TP53I11: variants seen among roughly 807,000 people sequenced by gnomAD.
TP53I11 encodes tumor protein p53 inducible protein 11, also known as tumor protein p53-inducible protein 11.
TP53I11 carries 9 observed loss-of-function variants against 23.3 expected under a neutral mutation model. That is an observed-to-expected ratio of 0.39 (90% CI 0.23 to 0.67). TP53I11 has a LOEUF of 0.67. TP53I11 is among the 30% of genes least tolerant of loss of function. TP53I11 has a pLI of 0.48. For synonymous variants in TP53I11, 100 were observed against 106.1 expected (o/e 0.94, Z 0.35); for missense variants, 170 against 255.2 (o/e 0.67, Z 2.27).
chr11:44,950,363 G>A (rs771150465), intron 1 of TP53I11, among the ~76,000 whole-genome samples: 3 of 152,198 alleles, frequency 2.0e-5, no homozygotes, highest in Non-Finnish European at 4.4e-5. Flanking sequence ...AGTCCAGGAG[G>A]AGGGCGACCG....
rs141808091 is a variant in TP53I11 at position 44,946,220 on chromosome 11, C to A, written c.-32+4457G>T. Among the ~76,000 whole-genome samples the A allele has an allele frequency of 2.2e-3, 334 of 152,346 alleles. No homozygotes were observed. The Middle Eastern group carries it at 0.027, about 12-fold the overall frequency. On this transcript the variant is annotated intron_variant, in intron 1 of 6. Coordinates refer to ENST00000525680, the MANE Select transcript of TP53I11 (RefSeq NM_006034.5). ...GGCTGCACTACTGACATCCTCACAG[C>A]GGCCTCTGGGGTGCAGGTTTCATCG...
intron 1 of TP53I11, among the ~76,000 whole-genome samples, chr11:44,942,762 G>C (rs1239013510): frequency 6.6e-6 from 1 of 152,136 alleles, no homozygotes; most frequent in Non-Finnish European, 1.5e-5. Flanking sequence ...CCTCCAGGGA[G>C]GAGGGCCCCA....
intron 1 of TP53I11, among the ~76,000 whole-genome samples, chr11:44,947,916 C>T (rs527562386): frequency 6.6e-6 from 1 of 152,216 alleles, no homozygotes; most frequent in Non-Finnish European, 1.5e-5. Flanking sequence ...TATTTTTAGA[C>T]TAGAAGACTC....
At position 44,938,518 on chromosome 11, in the gene TP53I11, C is replaced by T; in HGVS notation, c.-31-152G>A. 3.4e-6 allele frequency: 3 copies of T among 891,484 alleles called. No individual in the cohort carries two copies. The South Asian group carries it at 5.8e-5, about 17-fold the overall frequency. 55.2% of individuals were successfully genotyped at this position (891,484 alleles called of 1,614,324 possible). On this transcript the variant is annotated intron_variant, in intron 1 of 6. Transcript: ENST00000525680. ...CAGTAGGGGGAGTACAGCTGGCTTC[C>T]TTGTCAAATGGGTTGAGGAAATGCT... is the stretch of plus-strand genomic sequence containing the variant.
chr11:44,945,874 G>C (rs1030221529), intron 1 of TP53I11, among the ~76,000 whole-genome samples: 6 of 152,120 alleles, frequency 3.9e-5, no homozygotes, highest in Non-Finnish European at 8.8e-5. Flanking sequence ...CTCCAGCTGC[G>C]GTCCCTCCCA....
rs774677885 is a variant in TP53I11, at chr11:44,937,201, C to T, written c.237+103G>A. 2.1e-6 allele frequency: 3 copies of T among 1,429,566 alleles called. No individual in the cohort carries two copies. The East Asian group carries it at 7.4e-5, about 35-fold the overall frequency. 88.6% of individuals were successfully genotyped at this position (1,429,566 alleles called of 1,614,324 possible). A position where few individuals can be genotyped will look rare whatever the true frequency, so the allele number is the denominator to read the frequency against. ...AGCCCCAGAGCCTGACAGATGGGCC[C>T]CTGCACGAGGGGCCAGGATGGAGGA... On this transcript the variant is annotated intron_variant, in intron 4 of 6. Transcript: ENST00000525680.
intron 1 of TP53I11, among the ~76,000 whole-genome samples, chr11:44,947,875 GTAGT>G (rs1255218409): frequency 6.6e-6 from 1 of 152,172 alleles, no homozygotes; most frequent in Non-Finnish European, 1.5e-5. Context: ...CGCCTGTTTT[GTAGT>G]TAATGTTCAA....
At position 44,936,131 on chromosome 11, in the gene TP53I11, A is replaced by G. The variant is rs1590738550; in HGVS notation, c.335-469T>C. ...TAAGGAAGTCCCCTGGGGGAGGGGG[A>G]TGAACCATACTTTTTAGCAGAAGAC... is the stretch of plus-strand genomic sequence containing the variant. On this transcript the variant is annotated intron_variant, in intron 5 of 6. Transcript: ENST00000525680. This position sits in a 1 kb window ranked among gnomAD's most constrained non-coding sequence, Gnocchi z 4.4. 1 of 808,358 alleles carries G rather than the reference A, an allele frequency of 1.2e-6. No homozygotes were observed. The highest frequency in any genetic ancestry group is 1.5e-6 in the Non-Finnish European group (1 of 660,938). 50.1% of individuals were successfully genotyped at this position (808,358 alleles called of 1,614,324 possible).
At chr11:44,948,803 C>A (rs1472296768) in intron 1 of TP53I11, among the ~76,000 whole-genome samples, 1 of 152,236 alleles carries the variant, frequency 6.6e-6, no homozygotes, top group Non-Finnish European at 1.5e-5. Flanking sequence ...CCTCCTCCCC[C>A]ATACCCCAAG....
intron 1 of TP53I11, chr11:44,950,243 G>C (rs1234778403): frequency 6.6e-6 from 1 of 152,250 alleles, no homozygotes; most frequent in Admixed American, 6.5e-5. Context: ...ACCGAGCGCG[G>C]GGGACCGAGT....
rs1862905488 is a variant in TP53I11, at chr11:44,950,870, G to A, written c.-225C>T. ...TGCGCGCGGCGCCCTGCGCGGCCGG[G>A]GCTTACCGAGTCTGGCGGCCCGCGC... On this transcript the variant is annotated 5_prime_UTR_variant, in exon 1 of 7. Coordinates refer to ENST00000525680, the MANE Select transcript of TP53I11 (RefSeq NM_006034.5). 6.6e-6 allele frequency: 1 copy of A among 152,304 alleles called. No individual in the cohort carries two copies. Among genetic ancestry groups the A allele is most frequent in the Non-Finnish European group, 1.5e-5 (1 of 68,328 alleles). The allele number at this position is 152,304 out of a possible 1,614,324, so 9.4% of individuals were successfully genotyped here. A position where few individuals can be genotyped will look rare whatever the true frequency, so the allele number is the denominator to read the frequency against.
intron 5 of TP53I11, 23 bp from the exon 6 acceptor site, chr11:44,935,685 G>A (rs750114298): frequency 2.1e-6 from 3 of 1,406,618 alleles, no homozygotes; most frequent in South Asian, 1.2e-5. Flanking sequence ...ATGAAAAGGG[G>A]GCTGGGGGTG....
At chr11:44,947,141 A>G (rs771105922) in intron 1 of TP53I11, 14 of 455,798 alleles carry the variant, frequency 3.1e-5, no homozygotes, top group South Asian at 2.2e-4. Context: ...GGGCAAGGGG[A>G]TCAGGCCCTC....
At chr11:44,946,953 C>T (rs1862445534) in intron 1 of TP53I11, 5 of 451,254 alleles carry the variant, frequency 1.1e-5, no homozygotes, top group Admixed American at 4.7e-5. Context: ...TTTGAAGGGG[C>T]CCAATTTCCA....
In TP53I11 at chr11:44,936,367, G is replaced by A. The variant is rs1043573898; in HGVS notation, c.334+436C>T. Reference sequence around the variant, plus strand: ...AAAAATTGTAATTCCAAATCCTAACGTGTGCATCTCAGGTTAGAGAGGAAA... The same window carrying A: ...AAAAATTGTAATTCCAAATCCTAACATGTGCATCTCAGGTTAGAGAGGAAA... On this transcript the variant is annotated intron_variant, in intron 5 of 6. Coordinates refer to ENST00000525680, the MANE Select transcript of TP53I11 (RefSeq NM_006034.5). This position sits in a 1 kb window ranked among gnomAD's most constrained non-coding sequence, Gnocchi z 4.4. The A allele has an allele frequency of 3.3e-6, 4 of 1,228,212 alleles. No homozygotes were observed. The highest frequency in any genetic ancestry group is 3.2e-5 in the East Asian group (1 of 31,336). 76.1% of individuals were successfully genotyped at this position (1,228,212 alleles called of 1,614,324 possible). A position where few individuals can be genotyped will look rare whatever the true frequency, so the allele number is the denominator to read the frequency against.
chr11:44,942,011 C>CA (rs1486532747), intron 1 of TP53I11, among the ~76,000 whole-genome samples: 2 of 150,396 alleles, frequency 1.3e-5, no homozygotes, highest in Admixed American at 6.6e-5. Context: ...ACACCATACT[C>CA]ACGCCACACA....
chr11:44,937,505 C>T (rs771681260), intron 3 of TP53I11, 50 bp downstream of exon 3: 32 of 1,603,166 alleles, frequency 2.0e-5, no homozygotes, highest in Non-Finnish European at 2.7e-5. Context: ...TGCATTCTGC[C>T]CCACCGCCGC....
Position 44,933,217 on chromosome 11 carries a change from C to T in TP53I11, c.*1667G>A, listed in dbSNP as rs1340589568. On this transcript the variant is annotated 3_prime_UTR_variant, in exon 7 of 7. Transcript: ENST00000525680. ...CAGAGTCTCGGGGCATCCGCTGTAA[C>T]CATGGTGGTGCCACCACTCTGCTGG... 1 of 152,358 alleles carries T rather than the reference C, an allele frequency of 6.6e-6. No homozygotes were observed. Among genetic ancestry groups the T allele is most frequent in the African/African-American group, 2.4e-5 (1 of 41,466 alleles). 9.4% of individuals were successfully genotyped at this position (152,358 alleles called of 1,614,324 possible).
intron 2 of TP53I11, 99 bp downstream of exon 2, chr11:44,938,108 A>G (rs1212487876): frequency 7.0e-7 from 1 of 1,433,842 alleles, no homozygotes; most frequent in Non-Finnish European, 9.2e-7. Flanking sequence ...AAGTCCTAGA[A>G]CTCCTGCGGC....
Sources: gnomAD v4.1 joint callset for allele counts (sites outside exome capture counted in the v4.1 genomes callset) on GRCh38, gnomAD v4.1.1 for gene constraint, Gnocchi (gnomAD v3.1) non-coding constraint, MANE v1.5 for transcripts, NCBI Gene and HGNC (gene_info 2026-07-23, HGNC 2026-07-21) for gene names.